LRRC4C: variants seen among roughly 807,000 people sequenced by gnomAD.
LRRC4C encodes leucine rich repeat containing 4C, also known as leucine-rich repeat-containing protein 4C.
Under a neutral mutation model 33.6 loss-of-function variants are expected in LRRC4C, and 5 were observed. The ratio of observed to expected loss-of-function variants is 0.15; its 90% CI spans 0.08 to 0.31. The LOEUF is 0.31. LRRC4C is among the 10% of genes least tolerant of loss of function. The pLI, the probability that LRRC4C is intolerant of heterozygous loss-of-function variation, is 1.00. For synonymous variants in LRRC4C, 329 were observed against 302.0 expected (o/e 1.09, Z -0.93); for missense variants, 560 against 796.7 (o/e 0.70, Z 3.58).
At chr11:40,132,516 G>A (rs1856714129) in intron 6 of LRRC4C, among the ~76,000 whole-genome samples, 1 of 152,124 alleles carries the variant, frequency 6.6e-6, no homozygotes, top group Non-Finnish European at 1.5e-5. Flanking sequence ...GACCTTCTCT[G>A]TTCCAGAATT....
At chr11:40,289,429 A>G (rs941378988) in intron 4 of LRRC4C, among the ~76,000 whole-genome samples, 3 of 152,168 alleles carry the variant, frequency 2.0e-5, no homozygotes, top group African/African-American at 7.2e-5. Context: ...CAGCTACTAC[A>G]TTTGAGGAAG....
chr11:41,195,203 C>T (rs1435342514), intron 1 of LRRC4C, among the ~76,000 whole-genome samples: 1 of 152,068 alleles, frequency 6.6e-6, no homozygotes, highest in Non-Finnish European at 1.5e-5. Context: ...AAACAAAACA[C>T]ACTGTGTGTG....
intron 2 of LRRC4C, among the ~76,000 whole-genome samples, chr11:40,838,450 G>A (rs969702354): frequency 5.3e-5 from 8 of 152,126 alleles, no homozygotes; most frequent in East Asian, 1.9e-4. Flanking sequence ...TCATCCAAGC[G>A]GTTACCACCT....
intron 1 of LRRC4C, among the ~76,000 whole-genome samples, chr11:41,424,218 T>C (rs1028922214): frequency 6.6e-6 from 1 of 151,938 alleles, no homozygotes; most frequent in African/African-American, 2.4e-5. Context: ...ATCTTATAGC[T>C]AAGAGGGGAA....
intron 1 of LRRC4C, among the ~76,000 whole-genome samples, chr11:40,970,169 A>C (rs1394969817): frequency 6.6e-6 from 1 of 152,180 alleles, no homozygotes; most frequent in Non-Finnish European, 1.5e-5. Context: ...CCTCAAACCA[A>C]GAGATGGTAA....
chr11:40,972,277 C>T (rs572149503), intron 1 of LRRC4C, among the ~76,000 whole-genome samples: 1 of 151,976 alleles, frequency 6.6e-6, no homozygotes, highest in Non-Finnish European at 1.5e-5. Flanking sequence ...GCTGGGATTA[C>T]AAGCATGTGC....
At chr11:40,620,136 C>T (rs999485061) in intron 3 of LRRC4C, among the ~76,000 whole-genome samples, 1 of 150,724 alleles carries the variant, frequency 6.6e-6, no homozygotes, top group Non-Finnish European at 1.5e-5. Context: ...CATGGCTGAG[C>T]TGCAGATATA....
intron 3 of LRRC4C, among the ~76,000 whole-genome samples, chr11:40,437,497 G>A (rs777814733): frequency 6.7e-6 from 1 of 150,008 alleles, no homozygotes; most frequent in East Asian, 2.0e-4. Flanking sequence ...ATGTTCCAGC[G>A]ATTTTCCTGC....
At chr11:40,229,472 C>T (rs1361890103) in intron 5 of LRRC4C, among the ~76,000 whole-genome samples, 1 of 151,930 alleles carries the variant, frequency 6.6e-6, no homozygotes, top group Non-Finnish European at 1.5e-5. Context: ...GGGGTTTTAC[C>T]ATGTTGGCCG....
At chr11:40,258,985 G>C (rs1020867761) in intron 4 of LRRC4C, among the ~76,000 whole-genome samples, 9 of 152,096 alleles carry the variant, frequency 5.9e-5, no homozygotes, top group African/African-American at 2.2e-4. Flanking sequence ...CATATACCTG[G>C]CATGTATTAA....
intron 1 of LRRC4C, among the ~76,000 whole-genome samples, chr11:41,168,050 T>C (rs994191397): frequency 2.6e-5 from 4 of 152,126 alleles, no homozygotes; most frequent in African/African-American, 4.8e-5. Context: ...CTGTGAATAA[T>C]ATGTTTACAT....
chr11:40,595,317 A>G (rs1215690946), intron 3 of LRRC4C, among the ~76,000 whole-genome samples: 1 of 152,120 alleles, frequency 6.6e-6, no homozygotes, highest in Non-Finnish European at 1.5e-5. Context: ...CTGACTTGAA[A>G]TAATATGAAA....
At chr11:40,523,881 A>C (rs1197484416) in intron 3 of LRRC4C, among the ~76,000 whole-genome samples, 1 of 152,190 alleles carries the variant, frequency 6.6e-6, no homozygotes, top group Non-Finnish European at 1.5e-5. Context: ...AGTCTCTCTC[A>C]GACTTTAGGA....
intron 1 of LRRC4C, among the ~76,000 whole-genome samples, chr11:41,411,271 C>T (rs950493934): frequency 4.0e-5 from 6 of 150,526 alleles, no homozygotes; most frequent in African/African-American, 1.2e-4. Flanking sequence ...GCCTCAGCCT[C>T]CCGAGCAGCT....
chr11:41,246,476 G>A (rs527552076), intron 1 of LRRC4C, among the ~76,000 whole-genome samples: 10 of 152,224 alleles, frequency 6.6e-5, no homozygotes, highest in Admixed American at 2.6e-4. Flanking sequence ...TGCCCCATCC[G>A]CAGTCGTGGC....
chr11:41,201,173 T>A (rs1226422896), intron 1 of LRRC4C, among the ~76,000 whole-genome samples: 1 of 152,178 alleles, frequency 6.6e-6, no homozygotes, highest in Non-Finnish European at 1.5e-5. Context: ...TATGGTGGGT[T>A]GAAAAGTTTA....
intron 2 of LRRC4C, among the ~76,000 whole-genome samples, chr11:40,692,889 A>G (rs1411533755): frequency 6.6e-6 from 1 of 152,140 alleles, no homozygotes; most frequent in Non-Finnish European, 1.5e-5. Context: ...AACCCTACAC[A>G]TAAAAAGATA....
At chr11:41,249,166 C>T (rs921896085) in intron 1 of LRRC4C, among the ~76,000 whole-genome samples, 6 of 152,020 alleles carry the variant, frequency 3.9e-5, no homozygotes, top group African/African-American at 1.4e-4. Flanking sequence ...TCCCGAGTAC[C>T]TGGGACTACA....
intron 5 of LRRC4C, among the ~76,000 whole-genome samples, chr11:40,230,489 A>G (rs1360262042): frequency 6.6e-6 from 1 of 152,214 alleles, no homozygotes; most frequent in Non-Finnish European, 1.5e-5. Context: ...GTAGGCAGGC[A>G]CTGAACATTG....
Sources: allele counts gnomAD v4.1 joint callset (sites outside exome capture counted in the v4.1 genomes callset), GRCh38; gene constraint gnomAD v4.1.1; transcripts MANE v1.5; gene names NCBI Gene and HGNC (gene_info 2026-07-23, HGNC 2026-07-21).